The following REDIC1 variants were observed in gnomAD, a reference collection of about 807,000 sequenced individuals.
REDIC1 encodes the protein regulator of DNA class I crossover intermediates 1.
At chr12:39,697,683 A>T in the REDIC1 span, among the ~76,000 whole-genome samples, 1 of 152,208 alleles carries the variant, frequency 6.6e-6, no homozygotes, top group African/African-American at 2.4e-5. Context: ...TTAAGTTGTT[A>T]TCAGCTTAAA....
chr12:39,647,311 T>G, the REDIC1 span, among the ~76,000 whole-genome samples: 6 of 152,100 alleles, frequency 3.9e-5, no homozygotes, highest in Non-Finnish European at 7.4e-5. Flanking sequence ...AATAATTTTC[T>G]TAGCAAATAA....
chr12:39,652,338 TCATTTTATATTCC>T, the REDIC1 span, among the ~76,000 whole-genome samples: 5 of 152,194 alleles, frequency 3.3e-5, no homozygotes, highest in African/African-American at 4.8e-5. Flanking sequence ...GGTATTTGTA[TCATTTTATATTCC>T]CATTAACAAT....
chr12:39,696,504 C>G, the REDIC1 span, among the ~76,000 whole-genome samples: 14 of 123,598 alleles, frequency 1.1e-4, no homozygotes, highest in Non-Finnish European at 1.8e-4. Flanking sequence ...GATCCCGCCA[C>G]TGCACTCCAG....
At chr12:39,698,573 C>T in the REDIC1 span, among the ~76,000 whole-genome samples, 60 of 152,210 alleles carry the variant, frequency 3.9e-4, no homozygotes, top group Middle Eastern at 3.4e-3. Context: ...GGATCATTCT[C>T]AAAGATAGAC....
the REDIC1 span, among the ~76,000 whole-genome samples, chr12:39,862,894 C>A: frequency 6.6e-6 from 1 of 152,082 alleles, no homozygotes; most frequent in Non-Finnish European, 1.5e-5. Flanking sequence ...TTTAAAATAA[C>A]TAATACAGTC....
chr12:39,713,827 A>G, the REDIC1 span, among the ~76,000 whole-genome samples: 1 of 146,804 alleles, frequency 6.8e-6, no homozygotes, highest in Non-Finnish European at 1.5e-5. Context: ...ACGTGTATAC[A>G]TGTATATACA....
the REDIC1 span, among the ~76,000 whole-genome samples, chr12:39,704,185 G>T: frequency 6.6e-6 from 1 of 151,660 alleles, no homozygotes; most frequent in East Asian, 1.9e-4. Flanking sequence ...CTGACAAAGG[G>T]CTAATATCCA....
At chr12:39,906,264 T>C in the REDIC1 span, among the ~76,000 whole-genome samples, 4 of 152,136 alleles carry the variant, frequency 2.6e-5, no homozygotes, top group Admixed American at 2.0e-4. Context: ...TATGGGCAAA[T>C]TACTACCTGA....
chr12:39,634,244 G>T, the REDIC1 span, among the ~76,000 whole-genome samples: 2 of 152,054 alleles, frequency 1.3e-5, no homozygotes, highest in Admixed American at 6.5e-5. Context: ...TCTATTATTG[G>T]TGTATAGGAA....
At chr12:39,846,654 G>A in the REDIC1 span, among the ~76,000 whole-genome samples, 7 of 152,146 alleles carry the variant, frequency 4.6e-5, no homozygotes, top group East Asian at 3.9e-4. Context: ...ATTTTGCCAC[G>A]TTGCCCAGGC....
At chr12:39,783,097 A>G in the REDIC1 span, among the ~76,000 whole-genome samples, 1 of 151,924 alleles carries the variant, frequency 6.6e-6, no homozygotes, top group African/African-American at 2.4e-5. Context: ...TTCAAGTCCC[A>G]CCTATGAGTG....
chr12:39,667,659 A>C, the REDIC1 span, among the ~76,000 whole-genome samples: 1 of 152,298 alleles, frequency 6.6e-6, no homozygotes, highest in Admixed American at 6.5e-5. Context: ...TAATGTTGAC[A>C]GTGGGGTGTT....
the REDIC1 span, among the ~76,000 whole-genome samples, chr12:39,713,893 A>G: frequency 1.4e-5 from 2 of 147,450 alleles, no homozygotes; most frequent in Admixed American, 6.9e-5. Flanking sequence ...ATATACACTT[A>G]TACGTATATA....
At chr12:39,877,455 C>T in the REDIC1 span, among the ~76,000 whole-genome samples, 12 of 152,188 alleles carry the variant, frequency 7.9e-5, no homozygotes, top group Admixed American at 1.3e-4. Flanking sequence ...GTGGGTATTA[C>T]AGGAGCTACA....
chr12:39,810,958 T>C, the REDIC1 span, among the ~76,000 whole-genome samples: 6 of 152,252 alleles, frequency 3.9e-5, no homozygotes, highest in African/African-American at 1.4e-4. Flanking sequence ...GTTGGGAAAT[T>C]TCCCCCACTC....
the REDIC1 span, among the ~76,000 whole-genome samples, chr12:39,749,822 G>A: frequency 6.6e-6 from 1 of 152,122 alleles, no homozygotes; most frequent in East Asian, 1.9e-4. Flanking sequence ...AAAACCACAT[G>A]ATTATCTCAA....
the REDIC1 span, chr12:39,650,357 A>G: frequency 6.2e-7 from 1 of 1,607,162 alleles, no homozygotes; most frequent in South Asian, 1.1e-5. The surrounding 1 kb of genome is among the most constrained non-coding windows in gnomAD (Gnocchi z 4.3). Flanking sequence ...TTAAACAGGT[A>G]AGCAAAGATG....
chr12:39,859,127 A>G, the REDIC1 span, among the ~76,000 whole-genome samples: 1 of 152,136 alleles, frequency 6.6e-6, no homozygotes, highest in Non-Finnish European at 1.5e-5. Flanking sequence ...ACCACCATCT[A>G]CAGATGAAGC....
chr12:39,699,753 G>A, the REDIC1 span, among the ~76,000 whole-genome samples: 1 of 152,228 alleles, frequency 6.6e-6, no homozygotes, highest in African/African-American at 2.4e-5. Flanking sequence ...TCTGAGAACA[G>A]GCAGAATGCC....
Sources: allele counts gnomAD v4.1 joint callset (sites outside exome capture counted in the v4.1 genomes callset), GRCh38; gene constraint gnomAD v4.1.1; non-coding constraint Gnocchi (gnomAD v3.1); transcripts MANE v1.5; gene names NCBI Gene and HGNC (gene_info 2026-07-23, HGNC 2026-07-21).